The following NLGN1 variants were observed in gnomAD, a reference collection of about 807,000 sequenced individuals.
The protein encoded by NLGN1 is neuroligin-1.
A neutral mutation model predicts 65.5 loss-of-function variants in NLGN1; 12 were observed. That is an observed-to-expected ratio of 0.18 (90% CI 0.12 to 0.30). The LOEUF is 0.30. NLGN1 is among the 10% of genes least tolerant of loss of function. The pLI, the probability that NLGN1 is intolerant of heterozygous loss-of-function variation, is 1.00. For missense variants in NLGN1, 750 were observed against 1,007.1 expected, an observed-to-expected ratio of 0.74 and a Z score of 3.46; for synonymous variants, 350 against 359.5, an observed-to-expected ratio of 0.97 and a Z score of 0.30.
intron 4 of NLGN1, among the ~76,000 whole-genome samples, chr3:173,814,537 G>A (rs16830784): frequency 0.03 from 4,563 of 152,184 alleles, 182 homozygotes; most frequent in East Asian, 0.17. Context: ...CAAGTGGCCC[G>A]CAGTAAAAGC....
chr3:174,072,382 G>A (rs574749777), intron 4 of NLGN1, among the ~76,000 whole-genome samples: 1 of 152,280 alleles, frequency 6.6e-6, no homozygotes, highest in South Asian at 2.1e-4. Context: ...ACTAGAGAAA[G>A]CCAACAGAGA....
intron 1 of NLGN1, among the ~76,000 whole-genome samples, chr3:173,408,789 G>A (rs1025011061): frequency 1.3e-5 from 2 of 151,904 alleles, no homozygotes; most frequent in African/African-American, 4.8e-5. Flanking sequence ...GCGGGTGCCT[G>A]TAATTCCAGC....
At chr3:173,541,527 G>C (rs907786831) in intron 2 of NLGN1, among the ~76,000 whole-genome samples, 25 of 152,062 alleles carry the variant, frequency 1.6e-4, no homozygotes, top group Non-Finnish European at 2.1e-4. Flanking sequence ...TGAAGGTTTA[G>C]CTATGCTGTT....
At chr3:173,406,841 A>G (rs1417567469) in intron 1 of NLGN1, among the ~76,000 whole-genome samples, 1 of 152,084 alleles carries the variant, frequency 6.6e-6, no homozygotes, top group Non-Finnish European at 1.5e-5. Flanking sequence ...CACCACAGAG[A>G]AAACACTGTG....
intron 3 of NLGN1, among the ~76,000 whole-genome samples, chr3:173,662,571 T>TA (rs1235748664): frequency 6.6e-6 from 1 of 152,064 alleles, no homozygotes; most frequent in Admixed American, 6.6e-5. Context: ...TTTCTATTCT[T>TA]ACTCCTTTTG....
intron 4 of NLGN1, among the ~76,000 whole-genome samples, chr3:174,265,972 G>GTA (rs1209570385): frequency 6.8e-6 from 1 of 146,748 alleles, no homozygotes; most frequent in African/African-American, 2.5e-5. Flanking sequence ...ATGTGTATAA[G>GTA]TATATATATG....
intron 3 of NLGN1, among the ~76,000 whole-genome samples, chr3:173,724,941 C>A (rs558630662): frequency 6.6e-6 from 1 of 151,840 alleles, no homozygotes; most frequent in Non-Finnish European, 1.5e-5. Flanking sequence ...GACAGAAAAC[C>A]AAACACTGCA....
At chr3:173,960,006 T>C (rs1421414439) in intron 4 of NLGN1, among the ~76,000 whole-genome samples, 1 of 152,104 alleles carries the variant, frequency 6.6e-6, no homozygotes, top group East Asian at 1.9e-4. Flanking sequence ...GTATATCAGA[T>C]TACACAGATT....
At chr3:173,588,513 C>T (rs955837654) in intron 2 of NLGN1, among the ~76,000 whole-genome samples, 1 of 152,144 alleles carries the variant, frequency 6.6e-6, no homozygotes, top group Non-Finnish European at 1.5e-5. Context: ...ACTGTCAACT[C>T]GAAGCTTAAG....
At chr3:173,997,931 A>G (rs1722587214) in intron 4 of NLGN1, among the ~76,000 whole-genome samples, 1 of 152,092 alleles carries the variant, frequency 6.6e-6, no homozygotes, top group Non-Finnish European at 1.5e-5. Context: ...GTTTAATATT[A>G]TTCGCATTCA....
At chr3:173,913,809 A>G (rs1740155268) in intron 4 of NLGN1, among the ~76,000 whole-genome samples, 1 of 152,202 alleles carries the variant, frequency 6.6e-6, no homozygotes, top group South Asian at 2.1e-4. Context: ...TCTCTGTTAA[A>G]GAGTATTGCT....
chr3:174,264,362 C>G (rs1266540808), intron 4 of NLGN1, among the ~76,000 whole-genome samples: 1 of 145,072 alleles, frequency 6.9e-6, no homozygotes, highest in Non-Finnish European at 1.5e-5. Flanking sequence ...TCCCATATTT[C>G]TTGGAGGCTT....
intron 2 of NLGN1, among the ~76,000 whole-genome samples, chr3:173,535,890 CTG>C (rs1334732833): frequency 6.6e-6 from 1 of 152,154 alleles, no homozygotes; most frequent in Non-Finnish European, 1.5e-5. Flanking sequence ...TTTGATAGAA[CTG>C]AGAAAACATT....
chr3:174,249,392 G>C (rs73882737), intron 4 of NLGN1, among the ~76,000 whole-genome samples: 18,752 of 152,126 alleles, frequency 0.12, 2,012 homozygotes, highest in African/African-American at 0.28. Context: ...ACGTAATTAA[G>C]AGAGTTTTTT....
intron 4 of NLGN1, among the ~76,000 whole-genome samples, chr3:173,918,269 A>G (rs922174576): frequency 6.6e-6 from 1 of 152,272 alleles, no homozygotes; most frequent in East Asian, 1.9e-4. Context: ...TGACCTCACT[A>G]TTATTAAGTA....
rs1027360362 is a variant in NLGN1 at position 174,269,250 on chromosome 3, A to G, written c.647-6065A>G. 2.0e-5 allele frequency among the ~76,000 whole-genome samples: 3 copies of G among 152,100 alleles called. No homozygotes were observed. The East Asian group carries it at 5.8e-4, about 29-fold the overall frequency. The stretch of plus-strand genomic sequence containing the variant: ...GTTCAGTAACTGTATTAATATATTA[A>G]GTATATTCACATTGTTTAGCAACAG... On this transcript the variant is annotated intron_variant, in intron 4 of 6. Coordinates refer to ENST00000457714, the Ensembl canonical transcript of NLGN1.
intron 4 of NLGN1, among the ~76,000 whole-genome samples, chr3:173,845,932 T>A (rs1248636847): frequency 6.6e-6 from 1 of 152,122 alleles, no homozygotes; most frequent in East Asian, 1.9e-4. Flanking sequence ...GTGTTACTCA[T>A]CTCTAGGATG....
chr3:173,633,947 A>C (rs1756161783), intron 3 of NLGN1, among the ~76,000 whole-genome samples: 1 of 152,166 alleles, frequency 6.6e-6, no homozygotes, highest in Admixed American at 6.6e-5. Flanking sequence ...ACTGTAAGGC[A>C]TTGTTCTGTT....
chr3:174,133,604 C>A (rs184683664), intron 4 of NLGN1, among the ~76,000 whole-genome samples: 1 of 152,032 alleles, frequency 6.6e-6, no homozygotes, highest in Non-Finnish European at 1.5e-5. Context: ...ATCCGAGTTA[C>A]GCAAATAGTA....
Sources: gnomAD v4.1 joint callset for allele counts (sites outside exome capture counted in the v4.1 genomes callset) on GRCh38, gnomAD v4.1.1 for gene constraint, MANE v1.5 for transcripts, NCBI Gene and HGNC (gene_info 2026-07-23, HGNC 2026-07-21) for gene names.